The following FARS2 variants were observed in gnomAD, a reference collection of about 807,000 sequenced individuals.
FARS2 encodes the protein phenylalanine--tRNA ligase, mitochondrial.
In FARS2, 40 loss-of-function variants were observed where a neutral mutation model predicts 46.4. The observed-to-expected ratio is 0.86, with a 90% confidence interval of 0.67 to 1.12. FARS2 has a LOEUF of 1.12. Among genes scored for constraint, FARS2 ranks in the 50% most tolerant of loss-of-function variants. The pLI is 0.00. For missense variants in FARS2, 513 were observed against 567.9 expected, an observed-to-expected ratio of 0.90 and a Z score of 0.98; for synonymous variants, 234 against 214.9, an observed-to-expected ratio of 1.09 and a Z score of -0.78.
At chr6:5,474,691 C>T (rs1390984102) in intron 4 of FARS2, among the ~76,000 whole-genome samples, 5 of 130,436 alleles carry the variant, frequency 3.8e-5, no homozygotes, top group Admixed American at 9.0e-5. Context: ...GAGACAGTCT[C>T]ACTCTGTCGC....
intron 5 of FARS2, among the ~76,000 whole-genome samples, chr6:5,600,211 T>G (rs1221834824): frequency 6.6e-6 from 1 of 152,242 alleles, no homozygotes; most frequent in Non-Finnish European, 1.5e-5. Flanking sequence ...ACCAGAATGA[T>G]TGTTCCATAT....
intron 4 of FARS2, among the ~76,000 whole-genome samples, chr6:5,434,977 A>G (rs1308960694): frequency 2.0e-5 from 3 of 152,222 alleles, no homozygotes; most frequent in African/African-American, 7.2e-5. Flanking sequence ...CCAGCATCCC[A>G]TAAAGCATGC....
chr6:5,688,865 G>A (rs1199873953), intron 6 of FARS2, among the ~76,000 whole-genome samples: 1 of 152,090 alleles, frequency 6.6e-6, no homozygotes, highest in African/African-American at 2.4e-5. Flanking sequence ...ATTAATTATT[G>A]CCTCAATTTC....
At chr6:5,584,108 GACACACACAC>G (rs143867485) in intron 5 of FARS2, among the ~76,000 whole-genome samples, 4 of 122,882 alleles carry the variant, frequency 3.3e-5, no homozygotes, top group African/African-American at 6.9e-5. Context: ...TTCTCTCTCT[GACACACACAC>G]ACACACACAC....
At position 5,568,834 on chromosome 6, in the gene FARS2, C is replaced by T. The variant is rs905081604; in HGVS notation, c.1065+23494C>T. Among the ~76,000 whole-genome samples the T allele has an allele frequency of 1.1e-4, 17 of 152,248 alleles. 1 individual carries two copies. In the South Asian group the frequency reaches 1.2e-3, roughly 11 times the overall value. On this transcript the variant is annotated intron_variant, in intron 5 of 6. Coordinates refer to ENST00000274680, the MANE Select transcript of FARS2 (RefSeq NM_006567.5). ...GGGGCCATGAGGCTAGGAGCCCACT[C>T]GAGGCCCGGCACAGAAGAAATGATG...
intron 4 of FARS2, among the ~76,000 whole-genome samples, chr6:5,531,293 G>A (rs1403659226): frequency 1.3e-5 from 2 of 152,078 alleles, no homozygotes; most frequent in Admixed American, 6.6e-5. Context: ...AGAGAAAGAG[G>A]GACCAACACT....
Position 5,491,458 on chromosome 6 carries a change from A to G in FARS2, c.905-53722A>G, listed in dbSNP as rs193071071. On this transcript the variant is annotated intron_variant, in intron 4 of 6. Transcript: ENST00000274680. ...TAGCTTTAAGTTCTCCATCCCCTGCATTTTCCTAAAGTGACGTCGAGTTAA... is the reference window on the plus strand; with the variant it reads ...TAGCTTTAAGTTCTCCATCCCCTGCGTTTTCCTAAAGTGACGTCGAGTTAA... Among the ~76,000 whole-genome samples the G allele has an allele frequency of 2.1e-4, 32 of 152,158 alleles. 1 individual carries two copies. Among genetic ancestry groups the G allele is most frequent in the East Asian group, 5.8e-4 (3 of 5,156 alleles).
chr6:5,584,458 G>A (rs749710431), intron 5 of FARS2, among the ~76,000 whole-genome samples: 59 of 152,084 alleles, frequency 3.9e-4, no homozygotes, highest in Non-Finnish European at 6.3e-4. Context: ...ACTCTGGTTA[G>A]GAATTTCATA....
chr6:5,686,352 C>A lies in FARS2; in HGVS notation c.1217+73032C>A, dbSNP rs562277006. Reference sequence around the variant, plus strand: ...TATCTCCTAATGCTCTCCCCCCCCGCTGCCCACACCACGCAACAGGCCCCA... The same window carrying A: ...TATCTCCTAATGCTCTCCCCCCCCGATGCCCACACCACGCAACAGGCCCCA... On this transcript the variant is annotated intron_variant, in intron 6 of 6. Coordinates refer to ENST00000274680, the MANE Select transcript of FARS2 (RefSeq NM_006567.5). 2.0e-4 allele frequency among the ~76,000 whole-genome samples: 30 copies of A among 150,856 alleles called. 1 individual carries two copies. The highest frequency in any genetic ancestry group is 3.4e-3 in the Middle Eastern group (1 of 292).
At chr6:5,686,174 A>G (rs4959347) in intron 6 of FARS2, among the ~76,000 whole-genome samples, 74,472 of 151,956 alleles carry the variant, frequency 0.49, 18,599 homozygotes, top group African/African-American at 0.53. Context: ...GATATTGTGG[A>G]TGATAACAGT....
intron 6 of FARS2, among the ~76,000 whole-genome samples, chr6:5,741,834 T>G (rs1009811264): frequency 6.6e-6 from 1 of 152,172 alleles, no homozygotes; most frequent in African/African-American, 2.4e-5. Context: ...TATTTTTTAG[T>G]AGAGACAGGG....
At chr6:5,594,256 G>T (rs1310711386) in intron 5 of FARS2, among the ~76,000 whole-genome samples, 2 of 152,162 alleles carry the variant, frequency 1.3e-5, no homozygotes, top group Non-Finnish European at 2.9e-5. Flanking sequence ...CAGAGGATTC[G>T]TGCCTGAAGC....
intron 1 of FARS2, chr6:5,291,289 T>G (rs894762466): frequency 1.3e-5 from 2 of 152,152 alleles, no homozygotes; most frequent in African/African-American, 4.8e-5. Flanking sequence ...ATCCTCTCAT[T>G]TATCATTGGG....
At chr6:5,574,138 T>C (rs971574829) in intron 5 of FARS2, among the ~76,000 whole-genome samples, 1 of 152,114 alleles carries the variant, frequency 6.6e-6, no homozygotes, top group African/African-American at 2.4e-5. Flanking sequence ...TCTTTTTGTT[T>C]TGTTTTGTTT....
intron 5 of FARS2, among the ~76,000 whole-genome samples, chr6:5,600,454 A>G (rs1190335252): frequency 6.6e-6 from 1 of 152,248 alleles, no homozygotes; most frequent in African/African-American, 2.4e-5. Flanking sequence ...AAAGTGAGAA[A>G]ATCTGTAAAT....
intron 6 of FARS2, among the ~76,000 whole-genome samples, chr6:5,688,226 T>G (rs1249507174): frequency 1.3e-5 from 2 of 152,312 alleles, no homozygotes; most frequent in East Asian, 3.9e-4. Context: ...GGCCAGAACT[T>G]CCAACACTGT....
chr6:5,365,036 A>G (rs1297825277), intron 1 of FARS2, among the ~76,000 whole-genome samples: 1 of 151,758 alleles, frequency 6.6e-6, no homozygotes, highest in African/African-American at 2.4e-5. Flanking sequence ...GTGACAGAGT[A>G]AGACCCTGTC....
At chr6:5,591,740 C>T (rs1037807007) in intron 5 of FARS2, among the ~76,000 whole-genome samples, 1 of 152,238 alleles carries the variant, frequency 6.6e-6, no homozygotes, top group Non-Finnish European at 1.5e-5. Context: ...TAGCCCCTCA[C>T]TCTGTGATCC....
At chr6:5,599,889 T>C (rs1211160057) in intron 5 of FARS2, among the ~76,000 whole-genome samples, 1 of 151,824 alleles carries the variant, frequency 6.6e-6, no homozygotes, top group Non-Finnish European at 1.5e-5. Flanking sequence ...CTTGCTTCTT[T>C]TTTTTTTTTT....
Sources: gnomAD v4.1 joint callset for allele counts (sites outside exome capture counted in the v4.1 genomes callset) on GRCh38, gnomAD v4.1.1 for gene constraint, MANE v1.5 for transcripts, NCBI Gene and HGNC (gene_info 2026-07-23, HGNC 2026-07-21) for gene names.